Variants in VPS26A observed in about 807,000 individuals in gnomAD.
VPS26A encodes vacuolar protein sorting-associated protein 26A.
Under a neutral mutation model 42.4 loss-of-function variants are expected in VPS26A, and 22 were observed. The ratio of observed to expected loss-of-function variants is 0.52; its 90% CI spans 0.37 to 0.74. The LOEUF is 0.74. Among genes scored for constraint, VPS26A ranks in the 30% least tolerant of loss-of-function variants. VPS26A has a pLI of 0.00. For synonymous variants in VPS26A, 110 were observed against 123.5 expected, an observed-to-expected ratio of 0.89 and a Z score of 0.73; for missense variants, 276 against 379.2, an observed-to-expected ratio of 0.73 and a Z score of 2.26.
At chr10:69,139,369 TC>T (rs1840991272) in intron 2 of VPS26A, among the ~76,000 whole-genome samples, 1 of 152,152 alleles carries the variant, frequency 6.6e-6, no homozygotes, top group Non-Finnish European at 1.5e-5. Flanking sequence ...GGTGGCATAA[TC>T]TCGGCTCACT....
At chr10:69,133,620 T>C in intron 2 of VPS26A, 4 of 1,288,714 alleles carry the variant, frequency 3.1e-6, no homozygotes, top group East Asian at 5.5e-5. Flanking sequence ...TTCACTTTTT[T>C]CCCCTTTTCT....
chr10:69,148,881 G>T (rs556818082), intron 2 of VPS26A, among the ~76,000 whole-genome samples: 3 of 150,410 alleles, frequency 2.0e-5, no homozygotes, highest in African/African-American at 7.4e-5. Context: ...TCAGCCTCCC[G>T]AGTAGCTGGG....
chr10:69,144,413 C>T (rs1301436575), intron 2 of VPS26A, among the ~76,000 whole-genome samples: 1 of 152,164 alleles, frequency 6.6e-6, no homozygotes, highest in African/African-American at 2.4e-5. Flanking sequence ...TTCACCTAGT[C>T]ATGCCGCTCT....
intron 1 of VPS26A, among the ~76,000 whole-genome samples, 197 bp from the exon 2 acceptor site, chr10:69,132,701 C>T (rs186945224): frequency 5.0e-4 from 76 of 152,232 alleles, no homozygotes; most frequent in Non-Finnish European, 8.5e-4. Flanking sequence ...CCTCAGCCTC[C>T]CAAAGTGCTG....
intron 2 of VPS26A, among the ~76,000 whole-genome samples, chr10:69,133,936 G>A (rs916533824): frequency 4.6e-5 from 7 of 151,976 alleles, no homozygotes; most frequent in South Asian, 2.1e-4. Context: ...ACCCACCCAC[G>A]TAGGCCTACA....
chr10:69,160,852 T>G (rs1841546066), intron 5 of VPS26A, among the ~76,000 whole-genome samples: 1 of 152,174 alleles, frequency 6.6e-6, no homozygotes, highest in South Asian at 2.1e-4. Context: ...TATTACCACA[T>G]CATTACAAGG....
At chr10:69,154,016 A>G (rs189889230) in intron 2 of VPS26A, among the ~76,000 whole-genome samples, 173 of 152,312 alleles carry the variant, frequency 1.1e-3, no homozygotes, top group Non-Finnish European at 2.0e-3. Flanking sequence ...CACCCATCAT[A>G]GGAGCAGGCT....
intron 2 of VPS26A, among the ~76,000 whole-genome samples, chr10:69,153,645 C>T (rs113067150): frequency 0.017 from 2,648 of 152,108 alleles, 82 homozygotes; most frequent in African/African-American, 0.06. Flanking sequence ...TGAGCCACCA[C>T]GCCTAGCTTG....
chr10:69,165,471 A>G (rs1257943895), intron 6 of VPS26A, among the ~76,000 whole-genome samples: 1 of 151,998 alleles, frequency 6.6e-6, no homozygotes, highest in Admixed American at 6.6e-5. Context: ...AATCACTTCA[A>G]ATTCTCCTTT....
At position 69,173,457 on chromosome 10, in the gene VPS26A, A is replaced by C. The variant is rs1231977350; in HGVS notation, c.*2188A>C. Among the ~76,000 whole-genome samples, 6 of 151,766 alleles carry C rather than the reference A, an allele frequency of 4.0e-5. No homozygotes were observed. Among genetic ancestry groups the C allele is most frequent in the Non-Finnish European group, 2.9e-5 (2 of 67,932 alleles). ...CCAACAAAAATGAGACCCTATCTCT[A>C]CAAAAAAATTAACAATGAGCTGGGC... On this transcript the variant is annotated 3_prime_UTR_variant, in exon 9 of 9. Transcript: ENST00000263559.
chr10:69,124,384 A>G, intron 1 of VPS26A, 104 bp downstream of exon 1: 1 of 1,180,728 alleles, frequency 8.5e-7, no homozygotes, highest in Non-Finnish European at 1.1e-6. Context: ...GGGACGGGGG[A>G]GCAGGGCGGG....
In VPS26A at chr10:69,149,734, GTTTTTTTTTTT is replaced by G. The variant is rs869048277; in HGVS notation, c.154-6058_154-6048del. 4.8e-3 allele frequency among the ~76,000 whole-genome samples: 102 copies of G among 21,398 alleles called. 1 individual carries two copies. Among genetic ancestry groups the G allele is most frequent in the Middle Eastern group, 0.045 (1 of 22 alleles). The allele number at this position is 21,398 out of a possible 152,430, so 14.0% of individuals were successfully genotyped here. A position where few individuals can be genotyped will look rare whatever the true frequency, so the allele number is the denominator to read the frequency against. On this transcript the variant is annotated intron_variant, in intron 2 of 8. Coordinates refer to ENST00000263559, the MANE Select transcript of VPS26A (RefSeq NM_004896.5). ...AATGTTAACTTTCTTGGTGTTTTTT[GTTTTTTTTTTT>G]TTTTTTTTTTTTTTTTTTTGAGATG...
At chr10:69,140,808 G>A (rs1464622711) in intron 2 of VPS26A, among the ~76,000 whole-genome samples, 1 of 152,198 alleles carries the variant, frequency 6.6e-6, no homozygotes, top group East Asian at 1.9e-4. Flanking sequence ...TCCTTCCAGC[G>A]TTAGCTCTTA....
At chr10:69,127,564 A>C (rs1227991210) in intron 1 of VPS26A, among the ~76,000 whole-genome samples, 1 of 151,802 alleles carries the variant, frequency 6.6e-6, no homozygotes, top group East Asian at 2.0e-4. Flanking sequence ...AAAAAAAAAA[A>C]AACCTGAATG....
intron 2 of VPS26A, among the ~76,000 whole-genome samples, chr10:69,145,869 A>C (rs1304502152): frequency 2.0e-5 from 3 of 152,100 alleles, no homozygotes; most frequent in African/African-American, 4.8e-5. Context: ...TCACCACCCC[A>C]AAAAGAAATC....
intron 5 of VPS26A, among the ~76,000 whole-genome samples, chr10:69,158,553 T>C (rs368028529): frequency 1.3e-5 from 2 of 152,248 alleles, no homozygotes; most frequent in African/African-American, 2.4e-5. Flanking sequence ...CTTTACCACT[T>C]AATCACTGTT....
intron 8 of VPS26A, among the ~76,000 whole-genome samples, chr10:69,169,837 G>A (rs1841777479): frequency 6.6e-6 from 1 of 152,026 alleles, no homozygotes; most frequent in Admixed American, 6.6e-5. Context: ...TCGAACTCCT[G>A]ACCTCAGGTG....
At chr10:69,157,918 G>C in intron 4 of VPS26A, 129 bp from the exon 5 acceptor site, 1 of 729,948 alleles carries the variant, frequency 1.4e-6, no homozygotes, top group Non-Finnish European at 2.1e-6. Context: ...GTGAAGTAAT[G>C]AAGTAAGTTG....
At chr10:69,127,354 G>C (rs969516342) in intron 1 of VPS26A, among the ~76,000 whole-genome samples, 3 of 150,650 alleles carry the variant, frequency 2.0e-5, no homozygotes, top group Admixed American at 6.6e-5. Context: ...GAGATCAAGA[G>C]CATCCTGGCT....
Sources: gnomAD v4.1 joint callset for allele counts (sites outside exome capture counted in the v4.1 genomes callset) on GRCh38, gnomAD v4.1.1 for gene constraint, MANE v1.5 for transcripts, NCBI Gene and HGNC (gene_info 2026-07-23, HGNC 2026-07-21) for gene names.